Variants in CAMKMT observed in about 807,000 individuals in gnomAD.
The protein encoded by CAMKMT is CaM KMT.
In CAMKMT, 53 loss-of-function variants were observed where a neutral mutation model predicts 48.0. That is an observed-to-expected ratio of 1.10 (90% CI 0.89 to 1.39). The LOEUF is 1.39. Ranked by LOEUF, CAMKMT falls within the 40% of genes most tolerant of loss-of-function variation. The probability of loss-of-function intolerance (pLI) is 0.00; values close to 1 mark genes in which losing one functional copy is unlikely to be tolerated. For synonymous variants in CAMKMT, 165 were observed against 152.3 expected (o/e 1.08, Z -0.61); for missense variants, 428 against 402.7 (o/e 1.06, Z -0.54).
chr2:44,718,369 A>G (rs1261677862), intron 7 of CAMKMT, among the ~76,000 whole-genome samples: 1 of 152,214 alleles, frequency 6.6e-6, no homozygotes, highest in Non-Finnish European at 1.5e-5. Context: ...TATATTCATT[A>G]CATCTCAGCT....
chr2:44,771,825 C>A (rs942769415), intron 10 of CAMKMT, among the ~76,000 whole-genome samples: 1 of 151,964 alleles, frequency 6.6e-6, no homozygotes, highest in Non-Finnish European at 1.5e-5. Flanking sequence ...AAAAACCCTA[C>A]CCACCCCCAC....
chr2:44,399,372 C>A (rs1010056481), intron 3 of CAMKMT, among the ~76,000 whole-genome samples: 1 of 152,082 alleles, frequency 6.6e-6, no homozygotes, highest in Non-Finnish European at 1.5e-5. Context: ...CCATTAGATA[C>A]AAGTAAGAAA....
chr2:44,542,535 A>T (rs113837484), intron 3 of CAMKMT, among the ~76,000 whole-genome samples: 7,042 of 58,294 alleles, frequency 0.12, 304 homozygotes, highest in African/African-American at 0.22. Flanking sequence ...ACACACACAC[A>T]CACTCTCTCT....
chr2:44,743,664 A>G lies in CAMKMT; in HGVS notation c.666A>G (p.Glu222=), dbSNP rs2104373649. ...ATGAGACAGATGTCTCTCAACTGGAAGGACATTTTGACATTGTTATGTGTG... is the reference window on the plus strand; with the variant it reads ...ATGAGACAGATGTCTCTCAACTGGAGGGACATTTTGACATTGTTATGTGTG... The part of the protein sequence containing the change: ...WDNETDVSQL[E]GHFDIVMCAD... Residue 222 remains glutamate, a synonymous_variant, in exon 8 of 11, where the codon GAA becomes GAG. Transcript: ENST00000378494. 1 of 1,613,392 alleles carries G rather than the reference A, an allele frequency of 6.2e-7. No individual in the cohort carries two copies. The highest frequency in any genetic ancestry group is 2.2e-5 in the East Asian group (1 of 44,860).
At chr2:44,423,499 A>G (rs950794944) in intron 3 of CAMKMT, among the ~76,000 whole-genome samples, 1 of 152,130 alleles carries the variant, frequency 6.6e-6, no homozygotes, top group Non-Finnish European at 1.5e-5. Context: ...CCTTAACTCA[A>G]ATAGCACTTC....
intron 3 of CAMKMT, among the ~76,000 whole-genome samples, chr2:44,469,350 AT>A (rs10648196): frequency 0.026 from 3,900 of 150,266 alleles, 167 homozygotes; most frequent in African/African-American, 0.089. Flanking sequence ...ATTAAACCTG[AT>A]TTTTTTTTTG....
intron 3 of CAMKMT, among the ~76,000 whole-genome samples, chr2:44,448,031 C>T (rs1224259385): frequency 6.6e-6 from 1 of 151,764 alleles, no homozygotes; most frequent in Non-Finnish European, 1.5e-5. Flanking sequence ...TTTTTTTTCA[C>T]TTAACATTTA....
At chr2:44,634,149 C>G (rs1163009125) in intron 3 of CAMKMT, among the ~76,000 whole-genome samples, 2 of 152,022 alleles carry the variant, frequency 1.3e-5, no homozygotes, top group Non-Finnish European at 2.9e-5. Context: ...CAACACACAG[C>G]TTAGTGCTCA....
intron 7 of CAMKMT, among the ~76,000 whole-genome samples, chr2:44,731,754 C>G (rs1313958553): frequency 1.3e-5 from 2 of 152,190 alleles, no homozygotes; most frequent in Non-Finnish European, 2.9e-5. Flanking sequence ...CCATCTCTTT[C>G]AATTCTTAAT....
chr2:44,368,573 C>T (rs1399737270), intron 1 of CAMKMT, among the ~76,000 whole-genome samples: 1 of 152,120 alleles, frequency 6.6e-6, no homozygotes, highest in Non-Finnish European at 1.5e-5. Flanking sequence ...ACTATGTAAG[C>T]CCCTTCCAGT....
chr2:44,489,513 C>T (rs1028424298), intron 3 of CAMKMT, among the ~76,000 whole-genome samples: 9 of 151,912 alleles, frequency 5.9e-5, no homozygotes, highest in Admixed American at 6.6e-5. Flanking sequence ...CCCAAAGTGC[C>T]GGGATTACAT....
At chr2:44,701,355 A>C (rs1309721624) in intron 3 of CAMKMT, among the ~76,000 whole-genome samples, 3 of 152,166 alleles carry the variant, frequency 2.0e-5, no homozygotes, top group African/African-American at 4.8e-5. Flanking sequence ...TATCTCATTT[A>C]GGTTTTGATT....
At chr2:44,572,787 G>T (rs1668988190) in intron 3 of CAMKMT, among the ~76,000 whole-genome samples, 1 of 152,104 alleles carries the variant, frequency 6.6e-6, no homozygotes, top group Non-Finnish European at 1.5e-5. Flanking sequence ...TAATTTTTTG[G>T]GGTCTATCTC....
At chr2:44,682,941 C>T (rs1178284286) in intron 3 of CAMKMT, among the ~76,000 whole-genome samples, 5 of 152,188 alleles carry the variant, frequency 3.3e-5, no homozygotes, top group Non-Finnish European at 7.3e-5. Flanking sequence ...ATGTAGACAT[C>T]TGAATAAGTA....
At chr2:44,715,077 C>T (rs1322246986) in intron 6 of CAMKMT, among the ~76,000 whole-genome samples, 1 of 151,636 alleles carries the variant, frequency 6.6e-6, no homozygotes, top group East Asian at 1.9e-4. Context: ...CCTTTAGTCC[C>T]AGCTACTAGG....
chr2:44,595,887 G>A lies in CAMKMT; in HGVS notation c.377-108396G>A, dbSNP rs568453196. Among the ~76,000 whole-genome samples the A allele has an allele frequency of 2.7e-5, 4 of 148,600 alleles. No individual in the cohort carries two copies. The South Asian group carries it at 8.5e-4, about 32-fold the overall frequency. On this transcript the variant is annotated intron_variant, in intron 3 of 10. Coordinates refer to ENST00000378494, the MANE Select transcript of CAMKMT (RefSeq NM_024766.5). ...TTCTCAGCAAACTAACACAAGAAGA[G>A]AAAACCAAACACTGCATGTTCTCAC...
At chr2:44,449,748 T>C (rs747943169) in intron 3 of CAMKMT, among the ~76,000 whole-genome samples, 1 of 152,176 alleles carries the variant, frequency 6.6e-6, no homozygotes, top group Non-Finnish European at 1.5e-5. Flanking sequence ...TATTAACAAG[T>C]ATCTGACATG....
At chr2:44,521,117 A>G (rs961283535) in intron 3 of CAMKMT, among the ~76,000 whole-genome samples, 1 of 152,226 alleles carries the variant, frequency 6.6e-6, no homozygotes, top group Non-Finnish European at 1.5e-5. Flanking sequence ...CACAAGGTTG[A>G]TACTGAAGTT....
At chr2:44,365,389 A>G (rs1678481396) in intron 1 of CAMKMT, among the ~76,000 whole-genome samples, 2 of 152,204 alleles carry the variant, frequency 1.3e-5, no homozygotes, top group Non-Finnish European at 1.5e-5. Flanking sequence ...TTACATGGTA[A>G]GTTGCCAAGA....
Sources: gnomAD v4.1 joint callset for allele counts (sites outside exome capture counted in the v4.1 genomes callset) on GRCh38, gnomAD v4.1.1 for gene constraint, MANE v1.5 for transcripts, NCBI Gene and HGNC (gene_info 2026-07-23, HGNC 2026-07-21) for gene names.